The following ESRRG variants were observed in gnomAD, a reference collection of about 807,000 sequenced individuals.
ESRRG encodes the protein estrogen-related receptor gamma.
In ESRRG, 13 loss-of-function variants were observed where a neutral mutation model predicts 44.0. The ratio of observed to expected loss-of-function variants is 0.30; its 90% CI spans 0.19 to 0.47. The LOEUF is 0.47. Among genes scored for constraint, ESRRG ranks in the 20% least tolerant of loss-of-function variants. The pLI is 1.00. For synonymous variants in ESRRG, 215 were observed against 214.6 expected (o/e 1.00, Z -0.02); for missense variants, 395 against 580.6 (o/e 0.68, Z 3.29).
intron 2 of ESRRG, among the ~76,000 whole-genome samples, chr1:216,912,148 A>G (rs1041235134): frequency 0.031 from 1,022 of 33,214 alleles, 86 homozygotes; most frequent in African/African-American, 0.14. Flanking sequence ...AAGAAAAGAA[A>G]AGAAAAGAAA....
chr1:216,758,500 A>G (rs1406285153), intron 2 of ESRRG, among the ~76,000 whole-genome samples: 1 of 151,514 alleles, frequency 6.6e-6, no homozygotes, highest in African/African-American at 2.4e-5. Context: ...TTGTCCAAAT[A>G]CTAAACCAAA....
chr1:217,074,001 T>C lies in ESRRG; in HGVS notation c.-106+15506A>G, dbSNP rs11117767. On this transcript the variant is annotated intron_variant, in intron 1 of 7. Transcript: ENST00000359162. ...GCTTTTTAGTATATATGATTATCTT[T>C]GTGAACCCCTACTTTAAAGCTTTTA... is the stretch of plus-strand genomic sequence containing the variant. Among the ~76,000 whole-genome samples the C allele has an allele frequency of 3.6e-3, 555 of 152,168 alleles. 4 individuals carry two copies. The highest frequency in any genetic ancestry group is 0.013 in the African/African-American group (532 of 41,502).
chr1:217,119,035 AT>A (rs1321413306), intron 1 of ESRRG, among the ~76,000 whole-genome samples: 3 of 151,444 alleles, frequency 2.0e-5, no homozygotes, highest in African/African-American at 7.3e-5. Flanking sequence ...AGATAGATAG[AT>A]AGATAGATAG....
chr1:216,640,356 T>C (rs1363680907), intron 3 of ESRRG, among the ~76,000 whole-genome samples: 2 of 152,034 alleles, frequency 1.3e-5, no homozygotes, highest in Admixed American at 1.3e-4. Context: ...CTCCACTGAG[T>C]GGCTTTTGTG....
intron 1 of ESRRG, among the ~76,000 whole-genome samples, chr1:216,973,477 C>A (rs2072149380): frequency 6.6e-6 from 1 of 152,184 alleles, no homozygotes; most frequent in Non-Finnish European, 1.5e-5. Flanking sequence ...CAGGTCGCTG[C>A]TGTTGCCCCA....
At chr1:216,745,801 A>T (rs2091332347) in intron 2 of ESRRG, among the ~76,000 whole-genome samples, 2 of 152,202 alleles carry the variant, frequency 1.3e-5, no homozygotes, top group South Asian at 4.1e-4. Flanking sequence ...ATTATCTTTA[A>T]ATTGTATTAT....
At chr1:216,770,306 CAGG>C (rs541868000) in intron 2 of ESRRG, among the ~76,000 whole-genome samples, 1 of 152,078 alleles carries the variant, frequency 6.6e-6, no homozygotes, top group Non-Finnish European at 1.5e-5. Flanking sequence ...TATAAACACA[CAGG>C]AGACTTAAAC....
chr1:216,944,813 CTT>C (rs1009069967), intron 1 of ESRRG, among the ~76,000 whole-genome samples: 8 of 152,148 alleles, frequency 5.3e-5, no homozygotes, highest in African/African-American at 1.7e-4. Context: ...AATGGAGATG[CTT>C]TTCTCTCTCT....
At chr1:216,513,754 AG>A (rs2148823206) in intron 6 of ESRRG, among the ~76,000 whole-genome samples, 1 of 152,232 alleles carries the variant, frequency 6.6e-6, no homozygotes. Flanking sequence ...TAATTACTTA[AG>A]GCCTTCCATC....
intron 2 of ESRRG, among the ~76,000 whole-genome samples, chr1:216,769,095 T>C (rs931319742): frequency 6.6e-6 from 1 of 152,004 alleles, no homozygotes; most frequent in African/African-American, 2.4e-5. Flanking sequence ...GATTAAAAGA[T>C]TGCCTCCTGA....
chr1:216,845,359 A>T (rs1163509386), intron 2 of ESRRG, among the ~76,000 whole-genome samples: 1 of 152,132 alleles, frequency 6.6e-6, no homozygotes, highest in Admixed American at 6.6e-5. Context: ...GTTATAGATG[A>T]CACAAACTCT....
intron 1 of ESRRG, among the ~76,000 whole-genome samples, chr1:217,079,605 A>T (rs2091585055): frequency 6.6e-6 from 1 of 152,198 alleles, no homozygotes. Flanking sequence ...TTCTACCTAC[A>T]TGAGGTTGGA....
chr1:216,791,350 G>A (rs573157953), intron 2 of ESRRG, among the ~76,000 whole-genome samples: 1 of 152,070 alleles, frequency 6.6e-6, no homozygotes, highest in African/African-American at 2.4e-5. Context: ...CTCCCCCTTT[G>A]CCTTCTGCCA....
At chr1:216,597,380 G>C (rs2058590536) in intron 3 of ESRRG, among the ~76,000 whole-genome samples, 1 of 152,156 alleles carries the variant, frequency 6.6e-6, no homozygotes, top group Non-Finnish European at 1.5e-5. Flanking sequence ...GGTCAAAGAA[G>C]GAACTTGGGC....
At chr1:216,689,020 C>T (rs189606116) in intron 1 of ESRRG, among the ~76,000 whole-genome samples, 1 of 152,252 alleles carries the variant, frequency 6.6e-6, no homozygotes, top group East Asian at 1.9e-4. Context: ...TCTATTAGCA[C>T]ATCCTTTTGA....
In ESRRG at chr1:216,506,454, GAAAGGAAAGGGA is replaced by G. The variant is rs916224536; in HGVS notation, c.*473_*484del. 8 of 331,168 alleles carry G rather than the reference GAAAGGAAAGGGA, an allele frequency of 2.4e-5. No homozygotes were observed. Among genetic ancestry groups the G allele is most frequent in the African/African-American group, 8.8e-5 (4 of 45,548 alleles). The allele number at this position is 331,168 out of a possible 1,614,324, so 20.5% of individuals were successfully genotyped here. On this transcript the variant is annotated 3_prime_UTR_variant, in exon 7 of 7. Coordinates refer to ENST00000408911, the MANE Select transcript of ESRRG (RefSeq NM_001438.4). ...GATGGAAAGAAGGTCAAGAGGAAAG[GAAAGGAAAGGGA>G]AAAGGAAAGGGAAAAAGGAAAGAAA... is the stretch of plus-strand genomic sequence containing the variant.
chr1:216,773,475 C>T (rs908418242), intron 2 of ESRRG, among the ~76,000 whole-genome samples: 4 of 152,006 alleles, frequency 2.6e-5, no homozygotes, highest in Non-Finnish European at 5.9e-5. Flanking sequence ...TTGGGATCTT[C>T]CCACTTTTGA....
At chr1:216,782,067 C>A (rs927527881) in intron 2 of ESRRG, among the ~76,000 whole-genome samples, 2 of 152,034 alleles carry the variant, frequency 1.3e-5, no homozygotes, top group African/African-American at 4.8e-5. Context: ...ATAATTATGA[C>A]ACACCATTTC....
intron 2 of ESRRG, among the ~76,000 whole-genome samples, chr1:216,846,080 T>A (rs1225290225): frequency 3.3e-5 from 5 of 152,196 alleles, no homozygotes; most frequent in Non-Finnish European, 7.3e-5. Context: ...TTAAATCATG[T>A]AAAAAGAACA....
Sources: allele counts gnomAD v4.1 joint callset (sites outside exome capture counted in the v4.1 genomes callset), GRCh38; gene constraint gnomAD v4.1.1; transcripts MANE v1.5; gene names NCBI Gene and HGNC (gene_info 2026-07-23, HGNC 2026-07-21).